RDH13: variants seen among roughly 807,000 people sequenced by gnomAD.
RDH13 encodes the protein retinol dehydrogenase 13, also known as retinol dehydrogenase 13 (all-trans and 9-cis).
A neutral mutation model predicts 28.3 loss-of-function variants in RDH13; 35 were observed. The observed-to-expected ratio is 1.24, with a 90% CI of 0.95 to 1.64. The LOEUF is 1.64. RDH13 is among the 40% of genes most tolerant of loss of function. The pLI is 0.00. For synonymous variants in RDH13, 229 were observed against 198.5 expected (o/e 1.15, Z -1.29); for missense variants, 514 against 446.3 (o/e 1.15, Z -1.37).
chr19:55,064,006 AC>A (rs2075892300), upstream of RDH13: 2 of 152,364 alleles, frequency 1.3e-5, no homozygotes, highest in South Asian at 4.1e-4. Context: ...ACCGCTGGAA[AC>A]AGGGAAGAAT....
intron 3 of RDH13, among the ~76,000 whole-genome samples, chr19:55,049,744 G>A (rs1026070888): frequency 4.1e-5 from 6 of 148,050 alleles, no homozygotes; most frequent in African/African-American, 1.2e-4. Context: ...AGCCGAGATC[G>A]CATCATTACA....
chr19:55,053,906 C>T (rs1020427486), intron 3 of RDH13: 1 of 151,744 alleles, frequency 6.6e-6, no homozygotes, highest in African/African-American at 2.4e-5. Flanking sequence ...ACCTGGTACA[C>T]AGCAGGTGCT....
intron 1 of RDH13, among the ~76,000 whole-genome samples, chr19:55,061,776 G>A (rs1436365297): frequency 2.8e-5 from 4 of 141,252 alleles, no homozygotes; most frequent in Non-Finnish European, 6.2e-5. Context: ...CTGGGTGACA[G>A]AGAGACCCTG....
At chr19:55,040,862 C>G (rs957527039), downstream of RDH13, 1 of 152,230 alleles carries the variant, frequency 6.6e-6, no homozygotes, top group Non-Finnish European at 1.5e-5. Context: ...CGTGGTGGCT[C>G]ACGCCTGTAA....
At chr19:55,061,624 T>G (rs1836293649) in intron 1 of RDH13, among the ~76,000 whole-genome samples, 1 of 150,622 alleles carries the variant, frequency 6.6e-6, no homozygotes, top group Admixed American at 6.6e-5. Context: ...ACACCCCATC[T>G]CTACTAAAAA....
At chr19:55,045,344 C>T (rs369299346) in intron 6 of RDH13, 35 bp from the exon 7 acceptor site, 80 of 1,536,066 alleles carry the variant, frequency 5.2e-5, no homozygotes, top group Non-Finnish European at 6.3e-5. Flanking sequence ...AGTCCACACT[C>T]GCTCAGAGAG....
At chr19:55,062,420 C>T (rs564745687) in intron 1 of RDH13, among the ~76,000 whole-genome samples, 2 of 152,250 alleles carry the variant, frequency 1.3e-5, no homozygotes, top group Non-Finnish European at 2.9e-5. Context: ...AGGTGGCTCA[C>T]GTCTGTAATC....
At chr19:55,048,832 A>C in intron 3 of RDH13, 69 bp from the exon 4 acceptor site, 1 of 1,325,666 alleles carries the variant, frequency 7.5e-7, no homozygotes, top group African/African-American at 1.5e-5. Flanking sequence ...ACCAGCAGAA[A>C]CACTCCTGTG....
At chr19:55,039,939 G>T (rs572377646), downstream of RDH13, among the ~76,000 whole-genome samples, 10 of 152,336 alleles carry the variant, frequency 6.6e-5, 1 homozygote, top group South Asian at 1.9e-3. Context: ...GGACTTGACA[G>T]ATAAATACTG....
chr19:55,057,069 C>T lies in RDH13; in HGVS notation c.185-261G>A, dbSNP rs186775187. On this transcript the variant is annotated intron_variant, in intron 2 of 6. Coordinates refer to ENST00000415061, the MANE Select transcript of RDH13 (RefSeq NM_001145971.2). ...CTGGCTCATGCTACAGCAAGGATGA[C>T]CGTCAGAAACACTGTGCTCGGGGAA... Among the ~76,000 whole-genome samples, 21 of 152,196 alleles carry T rather than the reference C, an allele frequency of 1.4e-4. 1 individual carries two copies. Among genetic ancestry groups the T allele is most frequent in the Non-Finnish European group, 2.4e-4 (16 of 68,016 alleles).
upstream of RDH13, chr19:55,063,212 G>A (rs1287817145): frequency 1.3e-5 from 6 of 462,652 alleles, no homozygotes; most frequent in African/African-American, 2.0e-5. Flanking sequence ...GGAGGGGGCG[G>A]GGATCCTAGG....
Position 55,063,105 on chromosome 19 carries a change from T to C in RDH13, c.-73A>G. ...GCTGCACACCAGCCGCCTGGGTAGC[T>C]CCGAGGAAGAGCGCGCGACGCAGCC... On this transcript the variant is annotated 5_prime_UTR_variant, in exon 1 of 7. Coordinates refer to ENST00000415061, the MANE Select transcript of RDH13 (RefSeq NM_001145971.2). 8.2e-7 allele frequency: 1 copy of C among 1,223,778 alleles called. No individual in the cohort carries two copies. The highest frequency in any genetic ancestry group is 1.6e-5 in the African/African-American group (1 of 63,668). The allele number at this position is 1,223,778 out of a possible 1,614,324, so 75.8% of individuals were successfully genotyped here. A position where few individuals can be genotyped will look rare whatever the true frequency, so the allele number is the denominator to read the frequency against.
chr19:55,054,769 G>A (rs948899873), intron 3 of RDH13, among the ~76,000 whole-genome samples: 2 of 150,188 alleles, frequency 1.3e-5, no homozygotes, highest in Admixed American at 1.3e-4. Flanking sequence ...GTACACACAA[G>A]GTCTCACTAT....
rs1265680312 is a variant in RDH13, at chr19:55,044,797, C to T, written c.*277G>A. ...GCCTGCAAGTGCACGGAGCCCCTTC[C>T]TCCTCGGCCATTCCCAGTTTAGATT... On this transcript the variant is annotated 3_prime_UTR_variant, in exon 7 of 7. Transcript: ENST00000415061. The T allele has an allele frequency of 2.2e-6, 1 of 459,696 alleles. No individual in the cohort carries two copies. The highest frequency in any genetic ancestry group is 2.0e-5 in the African/African-American group (1 of 50,024). The allele number at this position is 459,696 out of a possible 1,614,324, so 28.5% of individuals were successfully genotyped here.
At chr19:55,063,920 C>T, upstream of RDH13, 1 of 152,540 alleles carries the variant, frequency 6.6e-6, no homozygotes, top group Non-Finnish European at 1.5e-5. Context: ...ACCTGCTTCC[C>T]CTTGCACTGC....
chr19:55,042,879 G>A (rs2075078962), downstream of RDH13: 1 of 152,312 alleles, frequency 6.6e-6, no homozygotes, highest in African/African-American at 2.4e-5. Context: ...CCAGCGAGAG[G>A]GCAAGACAAG....
upstream of RDH13, among the ~76,000 whole-genome samples, chr19:55,064,615 GTTTT>G (rs1568744548): frequency 6.6e-6 from 1 of 150,568 alleles, no homozygotes; most frequent in African/African-American, 2.4e-5. Context: ...TTGTTTGTTT[GTTTT>G]GTTTTGTTTT....
At chr19:55,052,202 T>G (rs1312992918) in intron 3 of RDH13, among the ~76,000 whole-genome samples, 1 of 151,212 alleles carries the variant, frequency 6.6e-6, no homozygotes, top group Non-Finnish European at 1.5e-5. Flanking sequence ...GCAGATCACC[T>G]GAGGTCAACC....
chr19:55,058,806 A>G (rs934430833), intron 2 of RDH13, among the ~76,000 whole-genome samples: 1 of 151,950 alleles, frequency 6.6e-6, no homozygotes, highest in Non-Finnish European at 1.5e-5. Context: ...TCAGCCTCCC[A>G]AGCAGCTGGG....
Sources: allele counts gnomAD v4.1 joint callset (sites outside exome capture counted in the v4.1 genomes callset), GRCh38; gene constraint gnomAD v4.1.1; transcripts MANE v1.5; gene names NCBI Gene and HGNC (gene_info 2026-07-23, HGNC 2026-07-21).